Variants in PIGN observed in about 807,000 individuals in gnomAD.
PIGN encodes phosphatidylinositol glycan anchor biosynthesis class N.
PIGN carries 117 observed loss-of-function variants against 125.4 expected under a neutral mutation model. The ratio of observed to expected loss-of-function variants is 0.93; its 90% CI spans 0.80 to 1.09. The LOEUF (loss-of-function observed/expected upper bound fraction) is 1.09. PIGN is among the 50% of genes least tolerant of loss of function. The probability of loss-of-function intolerance (pLI) is 0.00; values close to 1 mark genes in which losing one functional copy is unlikely to be tolerated. For synonymous variants in PIGN, 392 were observed against 377.8 expected (o/e 1.04, Z -0.44); for missense variants, 1,075 against 1,094.9 (o/e 0.98, Z 0.26).
chr18:62,122,740 G>C (rs914941849), intron 14 of PIGN, among the ~76,000 whole-genome samples: 1 of 152,130 alleles, frequency 6.6e-6, no homozygotes, highest in African/African-American at 2.4e-5. Context: ...TTTGTTCAGA[G>C]AATATGTTTT....
intron 14 of PIGN, among the ~76,000 whole-genome samples, chr18:62,133,369 T>C (rs1285477755): frequency 6.6e-6 from 1 of 152,212 alleles, no homozygotes; most frequent in African/African-American, 2.4e-5. Context: ...GCATCAATAC[T>C]ACATTTTTTA....
chr18:62,051,499 G>A (rs1444939059), intron 30 of PIGN, among the ~76,000 whole-genome samples: 1 of 152,114 alleles, frequency 6.6e-6, no homozygotes, highest in Non-Finnish European at 1.5e-5. Context: ...AGAGGTGTTT[G>A]TAGTATTCTC....
intron 20 of PIGN, 151 bp downstream of exon 20, chr18:62,105,392 A>C: frequency 1.8e-6 from 1 of 546,192 alleles, no homozygotes; most frequent in Non-Finnish European, 3.3e-6. Flanking sequence ...CTAGGCCAAA[A>C]TCATGACTAA....
At chr18:62,185,507 T>C (rs1228487715) in intron 1 of PIGN, among the ~76,000 whole-genome samples, 1 of 152,170 alleles carries the variant, frequency 6.6e-6, no homozygotes, top group Non-Finnish European at 1.5e-5. Context: ...TATATTGAAA[T>C]TAAAGCCTAC....
In PIGN at chr18:62,042,279, C is replaced by T. The variant is rs9949077; in HGVS notation, c.*3577G>A. The T allele has an allele frequency of 2.6e-5, 4 of 151,936 alleles. No individual in the cohort carries two copies. The highest frequency in any genetic ancestry group is 9.7e-5 in the African/African-American group (4 of 41,324). 9.4% of individuals were successfully genotyped at this position (151,936 alleles called of 1,614,324 possible). A position where few individuals can be genotyped will look rare whatever the true frequency, so the allele number is the denominator to read the frequency against. On this transcript the variant is annotated 3_prime_UTR_variant, in exon 31 of 31. Transcript: ENST00000640252. The stretch of plus-strand genomic sequence containing the variant: ...GAGCTTGCAGTGAGCTGACATTGCG[C>T]CACTGCATTCCAGCCTTGGCGAGAG...
chr18:62,045,798 G>A lies in PIGN; in HGVS notation c.*58C>T, dbSNP rs956179624. The A allele has an allele frequency of 4.5e-6, 7 of 1,571,808 alleles. No individual in the cohort carries two copies. Among genetic ancestry groups the A allele is most frequent in the Admixed American group, 3.4e-5 (2 of 59,176 alleles). On this transcript the variant is annotated 3_prime_UTR_variant, in exon 31 of 31. Transcript: ENST00000640252. ...TCCATCTTCTTATTGAAGCCTTGATGAGATTTTAGCTTAAAAGGAGAATCA... is the reference window on the plus strand; with the variant it reads ...TCCATCTTCTTATTGAAGCCTTGATAAGATTTTAGCTTAAAAGGAGAATCA...
chr18:62,127,997 A>C (rs1235394713), intron 14 of PIGN, among the ~76,000 whole-genome samples: 2 of 152,148 alleles, frequency 1.3e-5, no homozygotes, highest in Non-Finnish European at 2.9e-5. Flanking sequence ...ACATACCAAC[A>C]AACTTATGAA....
At chr18:62,156,514 G>C (rs11874306) in intron 6 of PIGN, among the ~76,000 whole-genome samples, 1 of 152,018 alleles carries the variant, frequency 6.6e-6, no homozygotes, top group East Asian at 1.9e-4. Flanking sequence ...GTTTGTTGTA[G>C]AGATGTGGGT....
At chr18:62,160,039 G>T (rs1397290051) in intron 4 of PIGN, among the ~76,000 whole-genome samples, 1 of 152,168 alleles carries the variant, frequency 6.6e-6, no homozygotes, top group Non-Finnish European at 1.5e-5. Context: ...CGTGAACCTG[G>T]GAGGCTGAGC....
intron 30 of PIGN, among the ~76,000 whole-genome samples, chr18:62,046,565 A>AC (rs1262758447): frequency 1.3e-5 from 2 of 150,344 alleles, no homozygotes; most frequent in African/African-American, 2.4e-5. Context: ...ACCATCCCTC[A>AC]CCCCCACATA....
Position 62,043,778 on chromosome 18 carries a change from T to A in PIGN, c.*2078A>T, listed in dbSNP as rs2030471062. 1 of 152,178 alleles carries A rather than the reference T, an allele frequency of 6.6e-6. No homozygotes were observed. Among genetic ancestry groups the A allele is most frequent in the Admixed American group, 6.5e-5 (1 of 15,288 alleles). The allele number at this position is 152,178 out of a possible 1,614,324, so 9.4% of individuals were successfully genotyped here. On this transcript the variant is annotated 3_prime_UTR_variant, in exon 31 of 31. Transcript: ENST00000640252. Reference sequence around the variant, plus strand: ...GCATGGCCTTTTTTTGGTTCAATATTTTCACAACTTGTTCTGCCTATTTTA... The same window carrying A: ...GCATGGCCTTTTTTTGGTTCAATATATTCACAACTTGTTCTGCCTATTTTA...
In PIGN at chr18:62,167,286, A is replaced by G. The variant is rs542228949; in HGVS notation, c.-235-3630T>C. ...TAGATAGAGATATATAGAGATATATATGTGTGTGTGTGTGTGTGTGTGTGT... is the reference window on the plus strand; with the variant it reads ...TAGATAGAGATATATAGAGATATATGTGTGTGTGTGTGTGTGTGTGTGTGT... On this transcript the variant is annotated intron_variant, in intron 1 of 30. Transcript: ENST00000640252. 3.4e-4 allele frequency among the ~76,000 whole-genome samples: 48 copies of G among 139,434 alleles called. 1 individual carries two copies. The highest frequency in any genetic ancestry group is 1.2e-3 in the African/African-American group (42 of 36,376). 91.5% of individuals were successfully genotyped at this position (139,434 alleles called of 152,430 possible). A position where few individuals can be genotyped will look rare whatever the true frequency, so the allele number is the denominator to read the frequency against.
Position 62,161,338 on chromosome 18 carries a change from T to A in PIGN, c.16A>T (p.Thr6Ser), listed in dbSNP as rs1231914665. ...ACAAAATGTATAAGCAATCCCAAAG[T>A]AAAGAACAGCAGCATATCCAGTGTA... Reference protein sequence around the residue: MLLFFTLGLLIHFVFF... With the variant: MLLFFSLGLLIHFVFF... Residue 6 changes from threonine to serine, a missense_variant, in exon 4 of 31, where the codon ACT becomes TCT. Thr to Ser is a moderately conservative substitution (Grantham distance 58, BLOSUM62 1). Transcript: ENST00000640252. The A allele has an allele frequency of 3.1e-6, 5 of 1,611,502 alleles. No homozygotes were observed. The African/African-American group carries it at 5.3e-5, about 17-fold the overall frequency.
At chr18:62,125,243 T>C (rs1857215889) in intron 14 of PIGN, among the ~76,000 whole-genome samples, 1 of 121,740 alleles carries the variant, frequency 8.2e-6, no homozygotes, top group South Asian at 2.9e-4. Context: ...TATATAAATA[T>C]ACACGTTTGT....
chr18:62,053,103 T>C (rs2031451236), intron 30 of PIGN: 1 of 270,826 alleles, frequency 3.7e-6, no homozygotes, highest in Non-Finnish European at 6.9e-6. Context: ...ATGTGAAAAT[T>C]CTAATACTGT....
At chr18:62,183,518 A>AT (rs780953566) in intron 1 of PIGN, among the ~76,000 whole-genome samples, 91 of 152,318 alleles carry the variant, frequency 6.0e-4, no homozygotes, top group South Asian at 3.1e-3. Flanking sequence ...CTAACATTCC[A>AT]TTTCAAGCAT....
At position 62,096,516 on chromosome 18, in the gene PIGN, CT is replaced by C. The variant is rs398033140; in HGVS notation, c.2078-567del. 4.3e-3 allele frequency among the ~76,000 whole-genome samples: 368 copies of C among 85,632 alleles called. 1 individual carries two copies. The highest frequency in any genetic ancestry group is 0.03 in the East Asian group (92 of 3,074). The allele number at this position is 85,632 out of a possible 152,430, so 56.2% of individuals were successfully genotyped here. ...TATTAACTCAAAAATGAATTATTTTCTTTTTTTTTTTTTTTTTTTTTTTTTT... is the reference window on the plus strand; with the variant it reads ...TATTAACTCAAAAATGAATTATTTTCTTTTTTTTTTTTTTTTTTTTTTTTT... On this transcript the variant is annotated intron_variant, in intron 22 of 30. Transcript: ENST00000640252.
In PIGN at chr18:62,062,046, G is replaced by A. The variant is rs139074661; in HGVS notation, c.2672+10627C>T. Among the ~76,000 whole-genome samples, 20 of 152,204 alleles carry A rather than the reference G, an allele frequency of 1.3e-4. No individual in the cohort carries two copies. In the East Asian group the frequency reaches 3.3e-3, roughly 25 times the overall value. ...CACAGAGGCACTATATGACATCACC[G>A]CTATAGAGGATACAAAGGAAAGACC... is the stretch of plus-strand genomic sequence containing the variant. On this transcript the variant is annotated intron_variant, in intron 30 of 30. Coordinates refer to ENST00000640252, the MANE Select transcript of PIGN (RefSeq NM_176787.5).
intron 23 of PIGN, among the ~76,000 whole-genome samples, chr18:62,030,796 T>G (rs1207959046): frequency 6.6e-6 from 1 of 152,120 alleles, no homozygotes; most frequent in Non-Finnish European, 1.5e-5. Flanking sequence ...GCATGTGCCT[T>G]TGGGGATTTC....
Sources: gnomAD v4.1 joint callset for allele counts (sites outside exome capture counted in the v4.1 genomes callset) on GRCh38, gnomAD v4.1.1 for gene constraint, MANE v1.5 for transcripts, NCBI Gene and HGNC (gene_info 2026-07-23, HGNC 2026-07-21) for gene names.